GTF2A1L: variants seen among roughly 807,000 people sequenced by gnomAD.
GTF2A1L encodes general transcription factor IIA subunit 1 like.
A neutral mutation model predicts 49.7 loss-of-function variants in GTF2A1L; 48 were observed. The ratio of observed to expected loss-of-function variants is 0.97; its 90% CI spans 0.77 to 1.23. The LOEUF (loss-of-function observed/expected upper bound fraction) is 1.23, where lower values mean the gene tolerates loss of function less well. Ranked by LOEUF, GTF2A1L falls within the 50% of genes most tolerant of loss-of-function variation. The pLI is 0.00. For synonymous variants in GTF2A1L, 246 were observed against 193.5 expected (o/e 1.27, Z -2.25); for missense variants, 736 against 564.8 (o/e 1.30, Z -3.07).
At chr2:48,621,578 G>C (rs146213371) in intron 3 of GTF2A1L, among the ~76,000 whole-genome samples, 10 of 152,296 alleles carry the variant, frequency 6.6e-5, no homozygotes, top group African/African-American at 1.9e-4. Context: ...GCACCCATTG[G>C]TAATTTCAGA....
intron 6 of GTF2A1L, 114 bp downstream of exon 6, chr2:48,647,156 T>C: frequency 2.9e-6 from 3 of 1,017,776 alleles, no homozygotes; most frequent in South Asian, 2.6e-5. Context: ...ATTTTGTTTT[T>C]TTCTTTAGAA....
chr2:48,646,815 C>A lies in GTF2A1L; in HGVS notation c.751C>A (p.Pro251Thr). 6.2e-7 allele frequency: 1 copy of A among 1,614,152 alleles called. No homozygotes were observed. The highest frequency in any genetic ancestry group is 1.6e-4 in the Middle Eastern group (1 of 6,062). The change falls in exon 6 of 9, where the codon CCA (proline) becomes ACA (threonine). Residue 251 changes from proline to threonine, a missense_variant. By Grantham distance (38) the Pro-to-Thr change is conservative. Coordinates refer to ENST00000403751, the MANE Select transcript of GTF2A1L (RefSeq NM_006872.5). ...YISLPGVVFS[P>T]QVSQTNSNVE... ...CAGTCTTCCAGGTGTTGTATTTTCTCCACAGGTCTCTCAAACAAATTCTAA... is the reference window on the plus strand; with the variant it reads ...CAGTCTTCCAGGTGTTGTATTTTCTACACAGGTCTCTCAAACAAATTCTAA...
At chr2:48,646,181 G>T (rs1291437539) in intron 5 of GTF2A1L, among the ~76,000 whole-genome samples, 5 of 151,894 alleles carry the variant, frequency 3.3e-5, no homozygotes, top group African/African-American at 1.2e-4. Flanking sequence ...TGTCCTTTAT[G>T]TATCTCAAAG....
intron 6 of GTF2A1L, 93 bp from the exon 7 acceptor site, chr2:48,669,629 C>A: frequency 6.9e-7 from 1 of 1,452,960 alleles, no homozygotes; most frequent in South Asian, 1.5e-5. Context: ...TTGAACTGAC[C>A]ATTTGTGGAA....
chr2:48,641,384 T>C (rs1473457808), intron 3 of GTF2A1L, among the ~76,000 whole-genome samples: 4 of 152,174 alleles, frequency 2.6e-5, no homozygotes, highest in Non-Finnish European at 5.9e-5. Context: ...ATGGTTAGTT[T>C]AAAAAAATGT....
chr2:48,645,325 G>T (rs1558731889), intron 5 of GTF2A1L, among the ~76,000 whole-genome samples: 1 of 152,114 alleles, frequency 6.6e-6, no homozygotes, highest in Non-Finnish European at 1.5e-5. Context: ...TCCTATATTT[G>T]ATTCCCAGTT....
intron 8 of GTF2A1L, among the ~76,000 whole-genome samples, chr2:48,672,135 A>C (rs1003505626): frequency 7.9e-5 from 12 of 152,248 alleles, no homozygotes; most frequent in African/African-American, 2.9e-4. Context: ...CCATAAATCC[A>C]TGGGTGATGT....
intron 3 of GTF2A1L, among the ~76,000 whole-genome samples, chr2:48,632,067 G>A (rs1676608642): frequency 6.6e-6 from 1 of 152,124 alleles, no homozygotes; most frequent in Admixed American, 6.6e-5. Context: ...GTCTTCCAGA[G>A]TTAACTACTT....
chr2:48,657,763 G>GT lies in GTF2A1L; in HGVS notation c.978+10733dup, dbSNP rs35946031. 2.4e-3 allele frequency among the ~76,000 whole-genome samples: 353 copies of GT among 146,728 alleles called. 1 individual carries two copies. The highest frequency in any genetic ancestry group is 8.1e-3 in the African/African-American group (325 of 40,122). On this transcript the variant is annotated intron_variant, in intron 6 of 8. Transcript: ENST00000403751. ...CTCTGCAGCCTTGCTGGAATCTCTT[G>GT]TTTTTTTTTTTTGACTTTTTAATAA... is the stretch of plus-strand genomic sequence containing the variant.
intron 8 of GTF2A1L, among the ~76,000 whole-genome samples, chr2:48,675,506 A>C (rs891926302): frequency 6.6e-6 from 1 of 152,092 alleles, no homozygotes; most frequent in Non-Finnish European, 1.5e-5. Flanking sequence ...AATGAAGGCC[A>C]CTGGTTTACA....
At position 48,646,569 on chromosome 2, in the gene GTF2A1L, C is replaced by A. The variant is rs1296510326; in HGVS notation, c.505C>A (p.Gln169Lys). Residue 169 changes from glutamine to lysine, a missense_variant, in exon 6 of 9, where the codon CAA (glutamine) becomes AAA (lysine). Transcript: ENST00000403751. ...ACAGCTTGGCCAGCCTTCAGTAATA[C>A]AAACTAGTGTTCCACAATTGAATCC... The part of the protein sequence containing the change: ...FQQLGQPSVI[Q>K]TSVPQLNPWS... The A allele has an allele frequency of 1.9e-6, 3 of 1,614,010 alleles. No homozygotes were observed. Among genetic ancestry groups the A allele is most frequent in the Admixed American group, 1.7e-5 (1 of 59,986 alleles).
At chr2:48,628,095 A>G (rs1676387946) in intron 3 of GTF2A1L, among the ~76,000 whole-genome samples, 1 of 144,248 alleles carries the variant, frequency 6.9e-6, no homozygotes, top group Non-Finnish European at 1.6e-5. Context: ...CATGGTGTAT[A>G]TATACCACAT....
chr2:48,646,481 T>G lies in GTF2A1L; in HGVS notation c.417T>G (p.Ile139Met), dbSNP rs1384951336. ...ACCTTTATAAAGTCAATGTACCAATTATGGTGACAGAGACTTCTGGAAGAG... is the reference window on the plus strand; with the variant it reads ...ACCTTTATAAAGTCAATGTACCAATGATGGTGACAGAGACTTCTGGAAGAG... ...SGHLYKVNVPIMVTETSGRAG... is the reference protein window; with the variant it reads ...SGHLYKVNVPMMVTETSGRAG... The change falls in exon 6 of 9, where the codon ATT (isoleucine) becomes ATG (methionine). Residue 139 changes from isoleucine to methionine, a missense_variant. Coordinates refer to ENST00000403751, the MANE Select transcript of GTF2A1L (RefSeq NM_006872.5). 1.2e-6 allele frequency: 2 copies of G among 1,612,508 alleles called. No individual in the cohort carries two copies. Among genetic ancestry groups the G allele is most frequent in the South Asian group, 1.1e-5 (1 of 90,722 alleles).
intron 6 of GTF2A1L, among the ~76,000 whole-genome samples, chr2:48,649,846 C>T (rs1317071660): frequency 6.6e-6 from 1 of 152,192 alleles, no homozygotes; most frequent in Non-Finnish European, 1.5e-5. Context: ...ATTTACTCTT[C>T]CTTCCTCACA....
chr2:48,636,079 G>C (rs1031289231), intron 3 of GTF2A1L, among the ~76,000 whole-genome samples: 2 of 152,134 alleles, frequency 1.3e-5, no homozygotes, highest in Non-Finnish European at 1.5e-5. Context: ...GGGATTTGGA[G>C]TATCCTGCAT....
chr2:48,618,702 C>G (rs1675801748), intron 1 of GTF2A1L, among the ~76,000 whole-genome samples: 1 of 152,172 alleles, frequency 6.6e-6, no homozygotes, highest in Non-Finnish European at 1.5e-5. Flanking sequence ...TACCTATACT[C>G]TGCCTGAATA....
intron 4 of GTF2A1L, among the ~76,000 whole-genome samples, chr2:48,644,200 A>G (rs1233320549): frequency 3.3e-5 from 5 of 152,180 alleles, no homozygotes; most frequent in Non-Finnish European, 2.9e-5. Context: ...ACATTTATAA[A>G]TAAAATAAAG....
In GTF2A1L at chr2:48,621,163, G is replaced by A; in HGVS notation, c.124-4G>A. The A allele has an allele frequency of 6.2e-7, 1 of 1,606,858 alleles. No homozygotes were observed. Among genetic ancestry groups the A allele is most frequent in the African/African-American group, 1.3e-5 (1 of 74,436 alleles). On this transcript the variant is annotated splice_polypyrimidine_tract_variant and splice_region_variant and intron_variant, in intron 2 of 8. Coordinates refer to ENST00000403751, the MANE Select transcript of GTF2A1L (RefSeq NM_006872.5). ...AAAGTAAACTTTTTTTTTCCCCTCT[G>A]CAGCTCTGGGAAACCAAGGTTTTGC...
chr2:48,655,814 C>T (rs1354104187), intron 6 of GTF2A1L, among the ~76,000 whole-genome samples: 1 of 152,078 alleles, frequency 6.6e-6, no homozygotes, highest in African/African-American at 2.4e-5. Flanking sequence ...TTTTCATCTT[C>T]CCAAACTCCA....
Sources: allele counts gnomAD v4.1 joint callset (sites outside exome capture counted in the v4.1 genomes callset), GRCh38; gene constraint gnomAD v4.1.1; transcripts MANE v1.5; gene names NCBI Gene and HGNC (gene_info 2026-07-23, HGNC 2026-07-21).